The following TCFL5 variants were observed in gnomAD, a reference collection of about 807,000 sequenced individuals.
The protein encoded by TCFL5 is transcription factor like 5.
TCFL5 carries 9 observed loss-of-function variants against 44.3 expected under a neutral mutation model. The ratio of observed to expected loss-of-function variants is 0.20; its 90% CI spans 0.12 to 0.35. The LOEUF is 0.35. Ranked by LOEUF, TCFL5 falls within the 10% of genes least tolerant of loss-of-function variation. The pLI is 1.00. For synonymous variants in TCFL5, 319 were observed against 271.6 expected, an observed-to-expected ratio of 1.17 and a Z score of -1.72; for missense variants, 603 against 613.4, an observed-to-expected ratio of 0.98 and a Z score of 0.18.
chr20:62,860,149 T>C lies in TCFL5; in HGVS notation c.807A>G (p.Gly269=), dbSNP rs770539899. 1.6e-5 allele frequency: 25 copies of C among 1,610,806 alleles called. 1 individual carries two copies. In the South Asian group the frequency reaches 2.6e-4, roughly 17 times the overall value. Residue 269 remains glycine, a synonymous_variant, in exon 2 of 6, where the codon GGA becomes GGG. Coordinates refer to ENST00000335351, the MANE Select transcript of TCFL5 (RefSeq NM_006602.4). ...LFTTNACSTS[G]NSNLSQTQSS... is the part of the protein sequence containing the mutation. ...CCTGTGTCTGTGAAAGATTAGAATT[T>C]CCACTAGTAGAGCAAGCATTTGTAG...
intron 5 of TCFL5, chr20:62,851,338 G>A (rs59340496): frequency 0.021 from 3,458 of 166,356 alleles, 134 homozygotes; most frequent in African/African-American, 0.077. Context: ...TGTATGTAAA[G>A]TATCATATCC....
At chr20:62,854,251 G>C in intron 4 of TCFL5, 94 bp from the exon 5 acceptor site, 1 of 1,488,136 alleles carries the variant, frequency 6.7e-7, no homozygotes, top group Non-Finnish European at 9.0e-7. Flanking sequence ...GGGAACCAGA[G>C]CTCGTGCATC....
chr20:62,850,498 C>A (rs1363589900), intron 5 of TCFL5, among the ~76,000 whole-genome samples: 4 of 152,118 alleles, frequency 2.6e-5, no homozygotes, highest in African/African-American at 4.8e-5. Flanking sequence ...GGTACCGCCA[C>A]AAACACAAGA....
In TCFL5 at chr20:62,842,027, G is replaced by T. The variant is rs1297990347; in HGVS notation, c.1451C>A (p.Thr484Asn). The change falls in exon 6 of 6, where the codon ACC becomes AAC. Residue 484 changes from threonine to asparagine, a missense_variant. Physicochemically the swap from Thr to Asn is moderately conservative, Grantham distance 65. Coordinates refer to ENST00000335351, the MANE Select transcript of TCFL5 (RefSeq NM_006602.4). This position sits in a 1 kb window ranked among gnomAD's most constrained non-coding sequence, Gnocchi z 4.3. ...LKLTRPDSLV[T>N]CPAQGSLQSS... ...CTGTAAACTCCCCTGTGCAGGACAG[G>T]TCACCAAGGAGTCCGGTCTGGTCAG... 6 of 1,614,076 alleles carry T rather than the reference G, an allele frequency of 3.7e-6. No homozygotes were observed. Among genetic ancestry groups the T allele is most frequent in the Non-Finnish European group, 5.1e-6 (6 of 1,180,042 alleles).
rs556948307 is a variant in TCFL5, at chr20:62,852,417, G to C, written c.1380+1599C>G. 2.6e-4 allele frequency: 258 copies of C among 985,460 alleles called. No homozygotes were observed. In the African/African-American group the frequency reaches 4.1e-3, roughly 16 times the overall value. The allele number at this position is 985,460 out of a possible 1,614,324, so 61.0% of individuals were successfully genotyped here. On this transcript the variant is annotated intron_variant, in intron 5 of 5. Coordinates refer to ENST00000335351, the MANE Select transcript of TCFL5 (RefSeq NM_006602.4). ...TGGAACTGGGGTCCCCCCAAGGCAG[G>C]GCCCAGAACCAGCCCTGTGACTGAC...
chr20:62,853,089 A>AC (rs200946709), intron 5 of TCFL5, among the ~76,000 whole-genome samples: 4 of 134,460 alleles, frequency 3.0e-5, no homozygotes, highest in East Asian at 2.2e-4. Context: ...AAGCACAGTC[A>AC]CCGGTCCACA....
At chr20:62,847,459 A>C (rs2063757937) in intron 5 of TCFL5, among the ~76,000 whole-genome samples, 1 of 152,206 alleles carries the variant, frequency 6.6e-6, no homozygotes, top group African/African-American at 2.4e-5. Flanking sequence ...AAAACCAACA[A>C]AGTGAATGAC....
chr20:62,861,605 G>A lies in TCFL5; in HGVS notation c.66C>T (p.Val22=), dbSNP rs1037617188. ...EAGAAGGEAA[V]EGAGGGDAAL... is the part of the protein sequence containing the mutation. ...CCGCGTCCCCGCCGCCCGCGCCCTC[G>A]ACGGCCGCCTCGCCGCCTGCCGCGC... The change falls in exon 1 of 6, where the codon GTC becomes GTT. Residue 22 remains valine, a synonymous_variant. Transcript: ENST00000335351. The surrounding 1 kb of genome is among the most constrained non-coding windows in gnomAD (Gnocchi z 4.0). 3.3e-5 allele frequency: 34 copies of A among 1,027,022 alleles called. No homozygotes were observed. The highest frequency in any genetic ancestry group is 5.8e-5 in the Admixed American group (1 of 17,162). 63.6% of individuals were successfully genotyped at this position (1,027,022 alleles called of 1,614,324 possible).
intron 5 of TCFL5, among the ~76,000 whole-genome samples, chr20:62,851,008 G>A (rs1416778422): frequency 3.9e-5 from 6 of 152,126 alleles, no homozygotes; most frequent in Non-Finnish European, 7.3e-5. Flanking sequence ...TCTTGCGCAG[G>A]GTACCCCAGC....
In TCFL5 at chr20:62,842,109, A is replaced by G. The variant is rs754907505; in HGVS notation, c.1381-12T>C. 1 of 1,614,064 alleles carries G rather than the reference A, an allele frequency of 6.2e-7. No homozygotes were observed. Among genetic ancestry groups the G allele is most frequent in the South Asian group, 1.1e-5 (1 of 91,052 alleles). ...ACGCTCTCAAATTCCTGCAGTGAAGAAGTGACGGTTAACATACTGAATTAA... is the reference window on the plus strand; with the variant it reads ...ACGCTCTCAAATTCCTGCAGTGAAGGAGTGACGGTTAACATACTGAATTAA... On this transcript the variant is annotated splice_polypyrimidine_tract_variant and intron_variant, in intron 5 of 5. Transcript: ENST00000335351. This position sits in a 1 kb window ranked among gnomAD's most constrained non-coding sequence, Gnocchi z 4.3.
At chr20:62,845,909 C>G (rs1452260914) in intron 5 of TCFL5, 4 of 1,520,742 alleles carry the variant, frequency 2.6e-6, no homozygotes, top group Admixed American at 3.9e-5. Flanking sequence ...GAGTTAAATG[C>G]TAAGGAAGCC....
At chr20:62,846,326 T>A (rs936470991) in intron 5 of TCFL5, among the ~76,000 whole-genome samples, 1 of 152,162 alleles carries the variant, frequency 6.6e-6, no homozygotes, top group Non-Finnish European at 1.5e-5. Flanking sequence ...TGTGGTTCCA[T>A]CTGGACCCTT....
chr20:62,857,556 A>G lies in TCFL5; in HGVS notation c.1077T>C (p.Leu359=), dbSNP rs753486513. The change falls in exon 4 of 6, where the codon CTT becomes CTC. Residue 359 remains leucine, a synonymous_variant. Coordinates refer to ENST00000335351, the MANE Select transcript of TCFL5 (RefSeq NM_006602.4). The part of the protein sequence containing the change: ...QLDTNVERRA[L]GEIQNVGEGA... ...CTTCGCCCACATTCTGAATCTCTCCAAGGGCTCTTCGCTCTACATTTGTGT... is the reference window on the plus strand; with the variant it reads ...CTTCGCCCACATTCTGAATCTCTCCGAGGGCTCTTCGCTCTACATTTGTGT... 1.5e-5 allele frequency: 24 copies of G among 1,614,086 alleles called. No individual in the cohort carries two copies. The highest frequency in any genetic ancestry group is 1.9e-5 in the Non-Finnish European group (23 of 1,180,062).
At chr20:62,845,704 A>G (rs2063733395) in intron 5 of TCFL5, 1 of 1,606,830 alleles carries the variant, frequency 6.2e-7, no homozygotes, top group Non-Finnish European at 8.5e-7. Flanking sequence ...GAGGACTTCC[A>G]ATATGACGAG....
intron 4 of TCFL5, among the ~76,000 whole-genome samples, chr20:62,855,213 G>C (rs1399573358): frequency 6.6e-6 from 1 of 152,156 alleles, no homozygotes; most frequent in East Asian, 1.9e-4. Context: ...AGGCTGGAGT[G>C]CAGTGGCATG....
chr20:62,847,966 C>CGCCGGGCA (rs111864448), intron 5 of TCFL5, among the ~76,000 whole-genome samples: 10 of 152,156 alleles, frequency 6.6e-5, no homozygotes, highest in African/African-American at 1.2e-4. Flanking sequence ...TACAGACAAG[C>CGCCGGGCA]GCCGGGCAGC....
chr20:62,841,950 C>A lies in TCFL5; in HGVS notation c.*25G>T. On this transcript the variant is annotated 3_prime_UTR_variant, in exon 6 of 6. Transcript: ENST00000335351. ...GGTCACGAAGGAATGGCTGTTCACC[C>A]CCCGAGGATTCCTGTTCAGTCCGAT... 6.2e-7 allele frequency: 1 copy of A among 1,612,910 alleles called. No homozygotes were observed. The highest frequency in any genetic ancestry group is 1.3e-5 in the African/African-American group (1 of 75,000).
At chr20:62,858,101 GA>G (rs1171467480) in intron 3 of TCFL5, among the ~76,000 whole-genome samples, 7 of 152,088 alleles carry the variant, frequency 4.6e-5, no homozygotes, top group African/African-American at 1.7e-4. Flanking sequence ...ATTCTAATAT[GA>G]CAGTATTTTT....
intron 5 of TCFL5, chr20:62,845,556 A>G (rs2063730681): frequency 1.3e-6 from 2 of 1,482,560 alleles, no homozygotes; most frequent in Non-Finnish European, 9.0e-7. Context: ...TTCACCTTTC[A>G]GGACAATTAA....
Sources: allele counts gnomAD v4.1 joint callset (sites outside exome capture counted in the v4.1 genomes callset), GRCh38; gene constraint gnomAD v4.1.1; non-coding constraint Gnocchi (gnomAD v3.1); transcripts MANE v1.5; gene names NCBI Gene and HGNC (gene_info 2026-07-23, HGNC 2026-07-21).